The following PDE4B variants were observed in gnomAD, a reference collection of about 807,000 sequenced individuals.
PDE4B encodes the protein 3',5'-cyclic-AMP phosphodiesterase 4B.
Under a neutral mutation model 82.2 loss-of-function variants are expected in PDE4B, and 20 were observed. The observed-to-expected ratio is 0.24, with a 90% CI of 0.17 to 0.35. PDE4B has a LOEUF of 0.35. PDE4B is among the 10% of genes least tolerant of loss of function. The pLI is 1.00. For missense variants in PDE4B, 655 were observed against 907.2 expected (o/e 0.72, Z 3.57); for synonymous variants, 320 against 318.9 (o/e 1.00, Z -0.04).
chr1:65,927,441 A>AAT (rs1410993646), intron 3 of PDE4B, among the ~76,000 whole-genome samples: 1 of 146,666 alleles, frequency 6.8e-6, no homozygotes, highest in Non-Finnish European at 1.5e-5. Flanking sequence ...AATATATGTA[A>AAT]ATATATATAA....
At chr1:66,350,502 C>G (rs547946257) in intron 8 of PDE4B, among the ~76,000 whole-genome samples, 16 of 152,118 alleles carry the variant, frequency 1.1e-4, no homozygotes, top group Non-Finnish European at 2.1e-4. Flanking sequence ...ACTTAGGAGT[C>G]ACTCCTAAGT....
chr1:66,230,290 C>T (rs1651846753), intron 3 of PDE4B, among the ~76,000 whole-genome samples: 1 of 152,126 alleles, frequency 6.6e-6, no homozygotes, highest in Non-Finnish European at 1.5e-5. Flanking sequence ...TGTGATCCAG[C>T]TCAATTAAAG....
chr1:66,101,044 A>G (rs1464222185), intron 3 of PDE4B, among the ~76,000 whole-genome samples: 2 of 151,980 alleles, frequency 1.3e-5, no homozygotes, highest in African/African-American at 4.8e-5. Context: ...AAGTGTTGTC[A>G]TTGTTCAATT....
At chr1:66,186,840 A>C (rs1233936039) in intron 3 of PDE4B, among the ~76,000 whole-genome samples, 2 of 152,072 alleles carry the variant, frequency 1.3e-5, no homozygotes, top group Non-Finnish European at 2.9e-5. Context: ...TCTCCTGCCT[A>C]ATTGCCCGGG....
intron 3 of PDE4B, among the ~76,000 whole-genome samples, chr1:66,073,368 T>G (rs1656260183): frequency 6.6e-6 from 1 of 152,128 alleles, no homozygotes; most frequent in Non-Finnish European, 1.5e-5. Flanking sequence ...ATGGTAAGAA[T>G]TCAATGAGAC....
At chr1:65,980,063 G>T (rs2100649201) in intron 3 of PDE4B, among the ~76,000 whole-genome samples, 1 of 152,300 alleles carries the variant, frequency 6.6e-6, no homozygotes, top group East Asian at 1.9e-4. Context: ...AAAGCAAACA[G>T]ATCCTGAAGT....
intron 3 of PDE4B, among the ~76,000 whole-genome samples, chr1:66,114,412 G>T (rs989736441): frequency 5.3e-5 from 8 of 152,050 alleles, no homozygotes; most frequent in Non-Finnish European, 1.0e-4. Context: ...GATATATAAA[G>T]TACCAAATAA....
At chr1:66,049,827 A>G (rs1346637470) in intron 3 of PDE4B, among the ~76,000 whole-genome samples, 6 of 152,008 alleles carry the variant, frequency 3.9e-5, no homozygotes, top group Admixed American at 3.9e-4. Flanking sequence ...GTACATCCTC[A>G]AAATGCCTTT....
chr1:66,316,168 C>T (rs1659014944), intron 7 of PDE4B, among the ~76,000 whole-genome samples: 1 of 152,072 alleles, frequency 6.6e-6, no homozygotes, highest in Non-Finnish European at 1.5e-5. Flanking sequence ...AAGCAATCAC[C>T]CAGCAAGGCT....
intron 3 of PDE4B, among the ~76,000 whole-genome samples, chr1:66,030,312 C>CT (rs1388300953): frequency 1.3e-5 from 2 of 151,982 alleles, no homozygotes; most frequent in Admixed American, 6.6e-5. Context: ...CTGAAGTTCC[C>CT]TTTTTTCAGT....
At chr1:66,186,550 C>T (rs573021285) in intron 3 of PDE4B, among the ~76,000 whole-genome samples, 8 of 152,232 alleles carry the variant, frequency 5.3e-5, no homozygotes, top group South Asian at 2.1e-4. Flanking sequence ...AGGTCCTTCA[C>T]GTCCCTTATA....
chr1:65,867,435 A>G (rs1357636269), intron 1 of PDE4B, among the ~76,000 whole-genome samples: 1 of 152,206 alleles, frequency 6.6e-6, no homozygotes, highest in Admixed American at 6.5e-5. Context: ...TTTCCTTCTT[A>G]CAGTTAAAAA....
At chr1:66,071,087 T>C (rs1055872387) in intron 3 of PDE4B, among the ~76,000 whole-genome samples, 2 of 152,120 alleles carry the variant, frequency 1.3e-5, no homozygotes, top group South Asian at 2.1e-4. Context: ...GTTTAAATTA[T>C]TGCTTTTAAT....
intron 1 of PDE4B, among the ~76,000 whole-genome samples, chr1:65,907,837 A>G (rs1647044514): frequency 6.6e-6 from 1 of 152,210 alleles, no homozygotes; most frequent in African/African-American, 2.4e-5. Context: ...AAAGGAGATG[A>G]GTAGGACTTT....
At chr1:66,063,287 T>A (rs1655677214) in intron 3 of PDE4B, among the ~76,000 whole-genome samples, 1 of 152,000 alleles carries the variant, frequency 6.6e-6, no homozygotes, top group Non-Finnish European at 1.5e-5. Flanking sequence ...TTTACTTCAG[T>A]GGTTCTAAAC....
At chr1:66,013,918 TA>T (rs1652628290) in intron 3 of PDE4B, among the ~76,000 whole-genome samples, 1 of 152,122 alleles carries the variant, frequency 6.6e-6, no homozygotes, top group South Asian at 2.1e-4. Flanking sequence ...CAACAGTGCA[TA>T]AAAGTTCACT....
At chr1:66,348,400 C>CT (rs1220712430) in intron 8 of PDE4B, among the ~76,000 whole-genome samples, 3 of 151,994 alleles carry the variant, frequency 2.0e-5, no homozygotes, top group South Asian at 2.1e-4. Flanking sequence ...TTCAAAGTTC[C>CT]TTTTTTTGTC....
intron 1 of PDE4B, among the ~76,000 whole-genome samples, chr1:65,871,150 G>T (rs1418511337): frequency 6.6e-6 from 1 of 152,108 alleles, no homozygotes; most frequent in Non-Finnish European, 1.5e-5. Context: ...TGGCTATTAG[G>T]GTGAGTCCTA....
At chr1:65,896,427 GGAGCTACAGTTCAACATGA>G (rs1487472950) in intron 1 of PDE4B, among the ~76,000 whole-genome samples, 1 of 152,118 alleles carries the variant, frequency 6.6e-6, no homozygotes, top group African/African-American at 2.4e-5. Flanking sequence ...TGGGAATTAT[GGAGCTACAGTTCAACATGA>G]GATTTGGGTG....
Sources: gnomAD v4.1 joint callset for allele counts (sites outside exome capture counted in the v4.1 genomes callset) on GRCh38, gnomAD v4.1.1 for gene constraint, MANE v1.5 for transcripts, NCBI Gene and HGNC (gene_info 2026-07-23, HGNC 2026-07-21) for gene names.